PTK2: variants seen among roughly 807,000 people sequenced by gnomAD.
PTK2 encodes the protein protein tyrosine kinase 2, also known as focal adhesion kinase 1.
In PTK2, 45 loss-of-function variants were observed where a neutral mutation model predicts 150.1. That is an observed-to-expected ratio of 0.30 (90% confidence interval 0.24 to 0.38). The LOEUF is 0.38. PTK2 is among the 10% of genes least tolerant of loss of function. The pLI, the probability that PTK2 is intolerant of heterozygous loss-of-function variation, is 1.00. For missense variants in PTK2, 919 were observed against 1,307.3 expected (o/e 0.70, Z 4.58); for synonymous variants, 432 against 449.2 (o/e 0.96, Z 0.48).
chr8:140,838,851 A>G (rs1387585906), intron 7 of PTK2, among the ~76,000 whole-genome samples: 1 of 151,892 alleles, frequency 6.6e-6, no homozygotes, highest in Non-Finnish European at 1.5e-5. Flanking sequence ...CTAAAAATAC[A>G]AAAAATTAGC....
chr8:140,759,184 T>TA (rs1447677129), intron 16 of PTK2, among the ~76,000 whole-genome samples: 2 of 152,124 alleles, frequency 1.3e-5, no homozygotes, highest in Admixed American at 6.5e-5. Context: ...AAGTGTCATT[T>TA]AAAAAATCAC....
chr8:140,913,258 T>C (rs1056666146), intron 2 of PTK2, among the ~76,000 whole-genome samples: 7 of 151,926 alleles, frequency 4.6e-5, no homozygotes, highest in Admixed American at 6.6e-5. Flanking sequence ...AATAGGACAA[T>C]CTATTTCTAT....
intron 15 of PTK2, 102 bp downstream of exon 18, chr8:140,762,266 C>T: frequency 1.8e-6 from 1 of 566,834 alleles, no homozygotes; most frequent in Non-Finnish European, 2.3e-6. Flanking sequence ...AAACCAATGA[C>T]AAATAGTTTA....
intron 27 of PTK2, 197 bp from the exon 31 acceptor site, chr8:140,675,696 G>A: frequency 1.8e-6 from 1 of 547,092 alleles, no homozygotes; most frequent in Non-Finnish European, 3.3e-6. Context: ...CCAATAGCAT[G>A]TGTGGAAAGG....
At chr8:140,771,859 C>T (rs2100075680) in intron 14 of PTK2, among the ~76,000 whole-genome samples, 1 of 151,414 alleles carries the variant, frequency 6.6e-6, no homozygotes, top group African/African-American at 2.4e-5. Flanking sequence ...TGGCTCACTG[C>T]AACCTCTGCC....
intron 23 of PTK2, among the ~76,000 whole-genome samples, chr8:140,711,226 C>A (rs1286738043): frequency 1.3e-5 from 2 of 152,196 alleles, no homozygotes; most frequent in Non-Finnish European, 2.9e-5. Context: ...CGTGCCTCAG[C>A]CTCCCAAATA....
chr8:140,670,997 T>C (rs894960640), intron 29 of PTK2, among the ~76,000 whole-genome samples: 4 of 152,204 alleles, frequency 2.6e-5, no homozygotes, highest in Non-Finnish European at 1.5e-5. Context: ...GGAAAGCTGT[T>C]TGGAAAGACA....
At chr8:140,841,350 A>C (rs2100122230) in intron 7 of PTK2, among the ~76,000 whole-genome samples, 1 of 152,168 alleles carries the variant, frequency 6.6e-6, no homozygotes, top group Non-Finnish European at 1.5e-5. Flanking sequence ...AGGGTCCACA[A>C]AAGAAGTCTC....
intron 26 of PTK2, among the ~76,000 whole-genome samples, chr8:140,689,584 T>C (rs2100021944): frequency 1.3e-5 from 2 of 152,238 alleles, no homozygotes; most frequent in Non-Finnish European, 2.9e-5. Flanking sequence ...AACTCAGCTA[T>C]GGTTATTTAA....
chr8:140,706,999 C>T (rs142303730), intron 23 of PTK2, among the ~76,000 whole-genome samples: 26 of 152,240 alleles, frequency 1.7e-4, no homozygotes, highest in African/African-American at 5.5e-4. Context: ...TGTATACCTA[C>T]GAAAGGGACA....
At chr8:140,928,937 T>A (rs1159592680) in intron 1 of PTK2, among the ~76,000 whole-genome samples, 2 of 150,136 alleles carry the variant, frequency 1.3e-5, no homozygotes, top group African/African-American at 2.4e-5. Context: ...TCACATTTTT[T>A]AAAATTTATT....
At chr8:140,729,307 A>G (rs2100047825) in intron 22 of PTK2, among the ~76,000 whole-genome samples, 1 of 152,234 alleles carries the variant, frequency 6.6e-6, no homozygotes, top group Non-Finnish European at 1.5e-5. Flanking sequence ...TGAAAGCTCT[A>G]TATACAAGCG....
chr8:140,804,496 C>T lies in PTK2; in HGVS notation c.868-846G>A, dbSNP rs550782896. The stretch of plus-strand genomic sequence containing the variant: ...CCAGCTACTCAGGAGGCTGAGTCTG[C>T]GCCACTGCACTCTAGCTTGGGCAAC... On this transcript the variant is annotated intron_variant, in intron 10 of 31. Transcript: ENST00000522684. 7.9e-5 allele frequency among the ~76,000 whole-genome samples: 12 copies of T among 152,010 alleles called. No homozygotes were observed. The South Asian group carries it at 1.0e-3, about 13-fold the overall frequency.
intron 3 of PTK2, among the ~76,000 whole-genome samples, chr8:140,885,750 T>TA (rs775602291): frequency 5.9e-5 from 9 of 151,964 alleles, no homozygotes; most frequent in Non-Finnish European, 1.3e-4. Flanking sequence ...ATTAGTATGT[T>TA]AGAGAAACAG....
At chr8:140,734,924 A>G (rs1021649450) in intron 22 of PTK2, 8 of 429,970 alleles carry the variant, frequency 1.9e-5, no homozygotes, top group African/African-American at 1.6e-4. Context: ...TGAGGGAGAC[A>G]GAGATGGAGG....
intron 4 of PTK2, among the ~76,000 whole-genome samples, chr8:140,866,490 A>T (rs2100139375): frequency 6.6e-6 from 1 of 152,196 alleles, no homozygotes; most frequent in South Asian, 2.1e-4. Flanking sequence ...CTCTAGATAA[A>T]GATCACCTAT....
intron 7 of PTK2, among the ~76,000 whole-genome samples, chr8:140,832,690 A>C (rs2100116186): frequency 6.6e-6 from 1 of 152,122 alleles, no homozygotes; most frequent in Non-Finnish European, 1.5e-5. Flanking sequence ...CTGTGGACAA[A>C]GAGGCAACAG....
chr8:140,862,033 G>A (rs1425032256), intron 5 of PTK2, among the ~76,000 whole-genome samples: 1 of 152,108 alleles, frequency 6.6e-6, no homozygotes, highest in African/African-American at 2.4e-5. Flanking sequence ...GGATACATTG[G>A]TATGTGCAGT....
intron 1 of PTK2, among the ~76,000 whole-genome samples, chr8:140,987,339 C>T (rs1228274457): frequency 6.6e-6 from 1 of 152,082 alleles, no homozygotes; most frequent in African/African-American, 2.4e-5. Flanking sequence ...CGCCACCATG[C>T]CCAGCTAATT....
Sources: allele counts gnomAD v4.1 joint callset (sites outside exome capture counted in the v4.1 genomes callset), GRCh38; gene constraint gnomAD v4.1.1; transcripts MANE v1.5; gene names NCBI Gene and HGNC (gene_info 2026-07-23, HGNC 2026-07-21).